The following CHEK1 variants were observed in gnomAD, a reference collection of about 807,000 sequenced individuals.
CHEK1 encodes the protein checkpoint kinase 1.
In CHEK1, 32 loss-of-function variants were observed where a neutral mutation model predicts 60.2. That is an observed-to-expected ratio of 0.53 (90% confidence interval 0.40 to 0.71). The LOEUF (loss-of-function observed/expected upper bound fraction) is 0.71. CHEK1 is among the 30% of genes least tolerant of loss of function. CHEK1 has a pLI of 0.00. For missense variants in CHEK1, 399 were observed against 564.6 expected, an observed-to-expected ratio of 0.71 and a Z score of 2.97; for synonymous variants, 179 against 187.2, an observed-to-expected ratio of 0.96 and a Z score of 0.36.
downstream of CHEK1, among the ~76,000 whole-genome samples, chr11:125,658,614 C>G (rs1248222856): frequency 6.8e-6 from 1 of 146,276 alleles, no homozygotes; most frequent in Non-Finnish European, 1.5e-5. Flanking sequence ...AGGAGTCATT[C>G]ATTACTCCAA....
intron 8 of CHEK1, among the ~76,000 whole-genome samples, chr11:125,640,808 G>A (rs553034703): frequency 9.2e-4 from 140 of 152,162 alleles, no homozygotes; most frequent in African/African-American, 3.3e-3. Flanking sequence ...ACAAAAATTA[G>A]CCAGGTGTGG....
intron 11 of CHEK1, among the ~76,000 whole-genome samples, chr11:125,650,671 C>G (rs765144844): frequency 4.6e-5 from 7 of 152,018 alleles, no homozygotes; most frequent in Non-Finnish European, 1.0e-4. Flanking sequence ...CCAGGCTGGT[C>G]TCGAACTCCT....
At position 125,655,463 on chromosome 11, in the gene CHEK1, C is replaced by T. The variant is rs566608597; in HGVS notation, c.*143C>T. 8 of 517,436 alleles carry T rather than the reference C, an allele frequency of 1.5e-5. No individual in the cohort carries two copies. Among genetic ancestry groups the T allele is most frequent in the Non-Finnish European group, 2.7e-5 (8 of 298,880 alleles). The allele number at this position is 517,436 out of a possible 1,614,324, so 32.1% of individuals were successfully genotyped here. A position where few individuals can be genotyped will look rare whatever the true frequency, so the allele number is the denominator to read the frequency against. On this transcript the variant is annotated 3_prime_UTR_variant, in exon 13 of 13. Coordinates refer to ENST00000438015, the MANE Select transcript of CHEK1 (RefSeq NM_001114122.3). ...CTTCCCTGTTTATCCAAACATCTTC[C>T]AATTTATTTTGTTTGTTCGGCATAC...
chr11:125,676,907 C>G (rs542080700), downstream of CHEK1, among the ~76,000 whole-genome samples: 2 of 151,990 alleles, frequency 1.3e-5, no homozygotes, highest in South Asian at 2.1e-4. Flanking sequence ...TTAGAATGCT[C>G]TAACATTGCA....
downstream of CHEK1, chr11:125,657,187 TTGTGTG>T (rs3831425): frequency 1.8e-4 from 26 of 147,214 alleles, 1 homozygote; most frequent in African/African-American, 3.4e-4. Flanking sequence ...CAACCTATGC[TTGTGTG>T]TGTGTGTGTG....
chr11:125,654,231 G>A (rs927009454), intron 12 of CHEK1, among the ~76,000 whole-genome samples: 1 of 152,080 alleles, frequency 6.6e-6, no homozygotes, highest in Non-Finnish European at 1.5e-5. Flanking sequence ...TTGGGAGGCT[G>A]AAGCAGGAGA....
rs56660091 is a variant in CHEK1 at position 125,635,817 on chromosome 11, T to C, written c.718+284T>C. On this transcript the variant is annotated intron_variant, in intron 7 of 12. Transcript: ENST00000438015. ...TAAAGTTTTCATATGTGCTATACTT[T>C]GTTGCAAATACACTCGTTTGTTGCT... 368 of 191,142 alleles carry C rather than the reference T, an allele frequency of 1.9e-3. 1 individual carries two copies. Among genetic ancestry groups the C allele is most frequent in the African/African-American group, 7.7e-3 (330 of 42,906 alleles). 11.8% of individuals were successfully genotyped at this position (191,142 alleles called of 1,614,324 possible).
chr11:125,626,173 A>C, intron 1 of CHEK1, 161 bp downstream of exon 1: 1 of 599,074 alleles, frequency 1.7e-6, no homozygotes, highest in Non-Finnish European at 3.0e-6. Context: ...GAGGAATGGT[A>C]CCAGGAGGTT....
intron 13 of CHEK1, among the ~76,000 whole-genome samples, chr11:125,667,056 G>A (rs1360648980): frequency 2.6e-5 from 4 of 151,702 alleles, no homozygotes; most frequent in African/African-American, 7.3e-5. Context: ...TATTACATGG[G>A]ATAATTTCAC....
chr11:125,661,269 C>G (rs961836293), downstream of CHEK1, among the ~76,000 whole-genome samples: 6 of 151,408 alleles, frequency 4.0e-5, no homozygotes, highest in African/African-American at 1.5e-4. Flanking sequence ...GATTTGCATT[C>G]TTTTCTACCA....
chr11:125,677,689 G>T, downstream of CHEK1: 5 of 1,436,542 alleles, frequency 3.5e-6, no homozygotes, highest in Non-Finnish European at 3.8e-6. Context: ...TTTGTGAAGT[G>T]TTAACAATTC....
At chr11:125,635,609 C>A in intron 7 of CHEK1, 76 bp downstream of exon 7, 1 of 832,534 alleles carries the variant, frequency 1.2e-6, no homozygotes, top group Non-Finnish European at 1.8e-6. Context: ...TTTTTTCTTA[C>A]TTTTTTTTTT....
At chr11:125,628,751 C>T (rs1233151844) in intron 3 of CHEK1, among the ~76,000 whole-genome samples, 2 of 152,070 alleles carry the variant, frequency 1.3e-5, no homozygotes, top group East Asian at 3.9e-4. Flanking sequence ...CAGGGCACTC[C>T]AGCCTGGGTG....
chr11:125,660,545 T>G (rs1941993335), downstream of CHEK1, among the ~76,000 whole-genome samples: 1 of 151,818 alleles, frequency 6.6e-6, no homozygotes, highest in African/African-American at 2.4e-5. Context: ...TAATTTTGCT[T>G]TATACATTTT....
chr11:125,668,603 T>C (rs1327393537), intron 13 of CHEK1, among the ~76,000 whole-genome samples: 1 of 152,168 alleles, frequency 6.6e-6, no homozygotes, highest in Non-Finnish European at 1.5e-5. Flanking sequence ...GTCCAGGGTA[T>C]AGTGCAGTAG....
chr11:125,661,785 T>G (rs1942022270), downstream of CHEK1, among the ~76,000 whole-genome samples: 1 of 152,194 alleles, frequency 6.6e-6, no homozygotes, highest in African/African-American at 2.4e-5. Flanking sequence ...CTTTTATAAT[T>G]TATATACAAT....
At chr11:125,635,609 CTTT>C in intron 7 of CHEK1, 76 bp downstream of exon 7, 1 of 832,528 alleles carries the variant, frequency 1.2e-6, no homozygotes, top group South Asian at 2.4e-5. Context: ...TTTTTTCTTA[CTTT>C]TTTTTTTGTT....
At chr11:125,637,405 T>C in intron 7 of CHEK1, 44 bp from the exon 8 acceptor site, 7 of 1,529,710 alleles carry the variant, frequency 4.6e-6, no homozygotes, top group Non-Finnish European at 6.3e-6. Context: ...TAGGCTTCTC[T>C]AACATGATTC....
At chr11:125,637,600 C>T in intron 8 of CHEK1, 56 bp downstream of exon 8, 3 of 1,251,856 alleles carry the variant, frequency 2.4e-6, no homozygotes, top group East Asian at 4.8e-5. Context: ...AAGGTAATTG[C>T]AAAGTTATTA....
Sources: allele counts gnomAD v4.1 joint callset (sites outside exome capture counted in the v4.1 genomes callset), GRCh38; gene constraint gnomAD v4.1.1; transcripts MANE v1.5; gene names NCBI Gene and HGNC (gene_info 2026-07-23, HGNC 2026-07-21).